Variants in PUM3 observed in about 807,000 individuals in gnomAD.
The protein encoded by PUM3 is pumilio RNA binding family member 3.
A neutral mutation model predicts 84.0 loss-of-function variants in PUM3; 91 were observed. That is an observed-to-expected ratio of 1.08 (90% CI 0.91 to 1.29). PUM3 has a LOEUF of 1.29. Among genes scored for constraint, PUM3 ranks in the 50% most tolerant of loss-of-function variants. The pLI is 0.00. For missense variants in PUM3, 1,067 were observed against 767.5 expected (o/e 1.39, Z -4.61); for synonymous variants, 321 against 266.7 (o/e 1.20, Z -1.98).
intron 5 of PUM3, among the ~76,000 whole-genome samples, chr9:2,833,019 T>A (rs1816024881): frequency 6.6e-6 from 1 of 152,208 alleles, no homozygotes; most frequent in African/African-American, 2.4e-5. Context: ...AAGTTGGCAA[T>A]TGAGAACATA....
chr9:2,841,481 T>G lies in PUM3; in HGVS notation c.-11+2564A>C, dbSNP rs1382557027. ...TACTCAGGGGGCTGAGGCAGGAAAA[T>G]CACCTGAACCCAGGAGGCAGAGGCT... On this transcript the variant is annotated intron_variant, in intron 1 of 17. Coordinates refer to ENST00000397885, the MANE Select transcript of PUM3 (RefSeq NM_014878.5). 2.6e-5 allele frequency among the ~76,000 whole-genome samples: 4 copies of G among 152,156 alleles called. No individual in the cohort carries two copies. The East Asian group carries it at 7.7e-4, about 29-fold the overall frequency.
chr9:2,811,085 A>G (rs556320355), intron 15 of PUM3, among the ~76,000 whole-genome samples: 221 of 152,272 alleles, frequency 1.5e-3, no homozygotes, highest in Non-Finnish European at 2.7e-3. Flanking sequence ...CTCTTCCCCA[A>G]TCGCAGGTGT....
rs781140367 is a variant in PUM3, at chr9:2,828,781, G to A, written c.853-3C>T. 2 of 1,516,106 alleles carry A rather than the reference G, an allele frequency of 1.3e-6. No homozygotes were observed. The highest frequency in any genetic ancestry group is 1.1e-5 in the South Asian group (1 of 88,178). 93.9% of individuals were successfully genotyped at this position (1,516,106 alleles called of 1,614,324 possible). A position where few individuals can be genotyped will look rare whatever the true frequency, so the allele number is the denominator to read the frequency against. On this transcript the variant is annotated splice_polypyrimidine_tract_variant and splice_region_variant and intron_variant, in intron 8 of 17. Coordinates refer to ENST00000397885, the MANE Select transcript of PUM3 (RefSeq NM_014878.5). The stretch of plus-strand genomic sequence containing the variant: ...TCCAGAGTTCGGTGATCTGCTGACT[G>A]CAACAAAACAAAACAATCAAACCCC...
chr9:2,810,092 G>A (rs1821333233), intron 16 of PUM3, among the ~76,000 whole-genome samples: 1 of 148,516 alleles, frequency 6.7e-6, no homozygotes, highest in East Asian at 2.0e-4. Context: ...AACAGAGAGA[G>A]TGAGGGGGCG....
At chr9:2,804,956 C>A (rs1005514295) in intron 17 of PUM3, among the ~76,000 whole-genome samples, 1 of 152,222 alleles carries the variant, frequency 6.6e-6, no homozygotes, top group African/African-American at 2.4e-5. Flanking sequence ...GGTCTTCTCA[C>A]TGAACTCCAC....
chr9:2,827,972 C>T (rs529194752), intron 9 of PUM3, among the ~76,000 whole-genome samples: 1 of 152,356 alleles, frequency 6.6e-6, no homozygotes, highest in Admixed American at 6.5e-5. Context: ...TGCTCAGCCA[C>T]TCCACTACTG....
In PUM3 at chr9:2,834,122, T is replaced by A. The variant is rs2129873655; in HGVS notation, c.349A>T (p.Lys117Ter). Reference sequence around the variant, plus strand: ...TGTCTGCTTTGCTTCAGTTCTTTCTTCTTCTTTTTGAAGTCATCCCATTTG... The same window carrying A: ...TGTCTGCTTTGCTTCAGTTCTTTCTACTTCTTTTTGAAGTCATCCCATTTG... ...KPKWDDFKKK[K>*]KELKQSRQLS... Residue 117 changes from lysine to a stop codon, truncating the protein, a stop_gained, in exon 4 of 18, where the codon AAG becomes TAG. Transcript: ENST00000397885. LOFTEE classifies it high-confidence loss of function. The A allele has an allele frequency of 1.2e-6, 2 of 1,613,674 alleles. No homozygotes were observed. The highest frequency in any genetic ancestry group is 1.7e-6 in the Non-Finnish European group (2 of 1,179,728).
chr9:2,826,242 C>T (rs1320216369), intron 10 of PUM3, among the ~76,000 whole-genome samples: 1 of 152,150 alleles, frequency 6.6e-6, no homozygotes, highest in Non-Finnish European at 1.5e-5. Context: ...CTTTCTACCA[C>T]TGAATATATT....
intron 17 of PUM3, among the ~76,000 whole-genome samples, chr9:2,806,268 T>C (rs1821256486): frequency 1.3e-5 from 2 of 152,258 alleles, no homozygotes; most frequent in African/African-American, 2.4e-5. Flanking sequence ...AAAGTTCATG[T>C]ATCAGCTAAC....
intron 4 of PUM3, among the ~76,000 whole-genome samples, 154 bp from the exon 5 acceptor site, chr9:2,833,586 G>A (rs1033766575): frequency 1.3e-5 from 2 of 152,044 alleles, no homozygotes; most frequent in Non-Finnish European, 2.9e-5. Context: ...CTATTCCAGA[G>A]CAGCCAGACA....
Position 2,837,268 on chromosome 9 carries a change from C to T in PUM3, c.216G>A (p.Gln72=), listed in dbSNP as rs759649050. 1 of 1,613,964 alleles carries T rather than the reference C, an allele frequency of 6.2e-7. No homozygotes were observed. Among genetic ancestry groups the T allele is most frequent in the South Asian group, 1.1e-5 (1 of 91,084 alleles). ...KKGVKQFKNK[Q]QGDKSPKNKF... The stretch of plus-strand genomic sequence containing the variant: ...TGTTCTTTGGTGATTTGTCCCCTTG[C>T]TGCTTATTCTTGAACTGCTTTACAC... Residue 72 remains glutamine (Q), a synonymous_variant, in exon 3 of 18, where the codon CAG becomes CAA. Transcript: ENST00000397885.
chr9:2,830,984 C>T lies in PUM3; in HGVS notation c.655G>A (p.Val219Ile). 6.7e-7 allele frequency: 1 copy of T among 1,485,402 alleles called. No homozygotes were observed. The highest frequency in any genetic ancestry group is 9.3e-7 in the Non-Finnish European group (1 of 1,070,462). The allele number at this position is 1,485,402 out of a possible 1,614,324, so 92.0% of individuals were successfully genotyped here. The change falls in exon 7 of 18, where the codon GTT (valine) becomes ATT (isoleucine). Residue 219 changes from valine (V) to isoleucine (I), a missense_variant. Coordinates refer to ENST00000397885, the MANE Select transcript of PUM3 (RefSeq NM_014878.5). ...TACCCATACATGAGAAATTTCTTAACAATATTTCTCGAATATTTGGCTTTA... is the reference window on the plus strand; with the variant it reads ...TACCCATACATGAGAAATTTCTTAATAATATTTCTCGAATATTTGGCTTTA... ...LSKAKYSRNI[V>I]KKFLMYGSKP...
chr9:2,831,322 G>C lies in PUM3; in HGVS notation c.539C>G (p.Thr180Ser), dbSNP rs751608520. 5.4e-5 allele frequency: 87 copies of C among 1,606,396 alleles called. 1 individual carries two copies. The highest frequency in any genetic ancestry group is 5.3e-4 in the South Asian group (47 of 89,326). Residue 180 changes from threonine to serine, a missense_variant, in exon 6 of 18, where the codon ACT becomes AGT. By Grantham distance (58) the Thr-to-Ser change is moderately conservative (BLOSUM62 1). Transcript: ENST00000397885. Reference protein sequence around the residue: ...IKTIAFAHDSTRVIQCYIQYG... With the variant: ...IKTIAFAHDSSRVIQCYIQYG... Reference sequence around the variant, plus strand: ...CTGAATGTAACACTGGATCACACGAGTTGAATCGTGTGCAAATGCAATCTG... The same window carrying C: ...CTGAATGTAACACTGGATCACACGACTTGAATCGTGTGCAAATGCAATCTG...
At position 2,844,079 on chromosome 9, in the gene PUM3, A is replaced by C. The variant is rs1388140685; in HGVS notation, c.-45T>G. On this transcript the variant is annotated 5_prime_UTR_variant, in exon 1 of 18. Transcript: ENST00000397885. The stretch of plus-strand genomic sequence containing the variant: ...GGGACCGAGACAGCTCGCGCAGCGG[A>C]TCCCGACCGCCTCTCCGCTTCCGCT... 1 of 159,896 alleles carries C rather than the reference A, an allele frequency of 6.3e-6. No individual in the cohort carries two copies. Among genetic ancestry groups the C allele is most frequent in the Non-Finnish European group, 1.5e-5 (1 of 68,172 alleles). 9.9% of individuals were successfully genotyped at this position (159,896 alleles called of 1,614,324 possible). A position where few individuals can be genotyped will look rare whatever the true frequency, so the allele number is the denominator to read the frequency against.
intron 17 of PUM3, among the ~76,000 whole-genome samples, chr9:2,805,769 G>C (rs751071120): frequency 1.3e-5 from 2 of 151,654 alleles, no homozygotes; most frequent in Non-Finnish European, 2.9e-5. Flanking sequence ...TTTTCATAAC[G>C]ACCATAGGGT....
intron 2 of PUM3, among the ~76,000 whole-genome samples, chr9:2,837,961 T>C (rs1041389278): frequency 6.6e-6 from 1 of 152,152 alleles, no homozygotes; most frequent in African/African-American, 2.4e-5. Context: ...ACCTAACAAA[T>C]GAGATGCAAA....
intron 3 of PUM3, among the ~76,000 whole-genome samples, chr9:2,834,833 A>ATCTT (rs59818373): frequency 0.5 from 75,574 of 151,432 alleles, 19,258 homozygotes; most frequent in South Asian, 0.61. Context: ...AAAGTCGAAT[A>ATCTT]TCTATCACCA....
intron 12 of PUM3, among the ~76,000 whole-genome samples, chr9:2,821,433 GA>G (rs1815618294): frequency 2.8e-5 from 1 of 35,504 alleles, no homozygotes; most frequent in Non-Finnish European, 6.1e-5. Flanking sequence ...GACAGAGCAA[GA>G]CTCTGTCTCA....
chr9:2,828,806 C>T, intron 8 of PUM3, 28 bp from the exon 9 acceptor site: 2 of 1,221,086 alleles, frequency 1.6e-6, no homozygotes, highest in Non-Finnish European at 2.4e-6. Flanking sequence ...AATCAAACCC[C>T]TCTAAATTTA....
Sources: allele counts gnomAD v4.1 joint callset (sites outside exome capture counted in the v4.1 genomes callset), GRCh38; gene constraint gnomAD v4.1.1; transcripts MANE v1.5; gene names NCBI Gene and HGNC (gene_info 2026-07-23, HGNC 2026-07-21).